PIEZO2: variants seen among roughly 807,000 people sequenced by gnomAD.
PIEZO2 encodes the protein piezo type mechanosensitive ion channel component 2.
PIEZO2 carries 172 observed loss-of-function variants against 337.3 expected under a neutral mutation model. That is an observed-to-expected ratio of 0.51 (90% CI 0.45 to 0.58). The LOEUF (loss-of-function observed/expected upper bound fraction) is 0.58. PIEZO2 is among the 20% of genes least tolerant of loss of function. PIEZO2 has a pLI of 0.00. For synonymous variants in PIEZO2, 1,251 were observed against 1,228.5 expected, an observed-to-expected ratio of 1.02 and a Z score of -0.38; for missense variants, 3,028 against 3,391.3, an observed-to-expected ratio of 0.89 and a Z score of 2.66.
At chr18:10,713,000 C>A (rs898155058) in intron 39 of PIEZO2, among the ~76,000 whole-genome samples, 4 of 152,116 alleles carry the variant, frequency 2.6e-5, no homozygotes, top group Non-Finnish European at 5.9e-5. Flanking sequence ...AATATAGTCT[C>A]TTTTATTATC....
intron 4 of PIEZO2, among the ~76,000 whole-genome samples, chr18:10,900,914 C>A (rs1192475141): frequency 2.6e-5 from 4 of 152,154 alleles, no homozygotes; most frequent in Non-Finnish European, 5.9e-5. Flanking sequence ...TTCCCTGGAC[C>A]CATGCTAATT....
Position 10,786,263 on chromosome 18 carries a change from G to C in PIEZO2, c.2318+773C>G, listed in dbSNP as rs1019596954. Among the ~76,000 whole-genome samples, 49 of 152,286 alleles carry C rather than the reference G, an allele frequency of 3.2e-4. 2 individuals are homozygous for C. Among genetic ancestry groups the C allele is most frequent in the Non-Finnish European group, 8.8e-5 (6 of 68,016 alleles). On this transcript the variant is annotated intron_variant, in intron 16 of 55. Coordinates refer to ENST00000674853, the MANE Select transcript of PIEZO2 (RefSeq NM_001378183.1). The stretch of plus-strand genomic sequence containing the variant: ...TATTTTACACTAAATAGTTTTGTTT[G>C]TCTCCTCTGCTAGAATATAAGATCT...
At chr18:10,919,319 G>A (rs546316861) in intron 3 of PIEZO2, among the ~76,000 whole-genome samples, 53 of 152,042 alleles carry the variant, frequency 3.5e-4, no homozygotes, top group African/African-American at 1.1e-3. Flanking sequence ...TAACTTCCCC[G>A]AATAGAACTG....
rs1261530978 is a variant in PIEZO2, at chr18:11,108,151, G to T, written c.64+40374C>A. Among the ~76,000 whole-genome samples the T allele has an allele frequency of 3.3e-5, 5 of 152,078 alleles. No individual in the cohort carries two copies. In the East Asian group the frequency reaches 5.8e-4, roughly 18 times the overall value. ...TACATCCAGTGAGTAACATCAATAT[G>T]CTCTGCATTCATTCAAGAAAGAAAA... On this transcript the variant is annotated intron_variant, in intron 1 of 55. Transcript: ENST00000674853.
intron 3 of PIEZO2, among the ~76,000 whole-genome samples, chr18:10,916,580 T>G (rs377237986): frequency 6.6e-6 from 1 of 152,134 alleles, no homozygotes; most frequent in African/African-American, 2.4e-5. Flanking sequence ...GCTCTGAGTG[T>G]GGGGTCCGTG....
intron 4 of PIEZO2, among the ~76,000 whole-genome samples, chr18:10,889,285 GGAAAATA>G (rs937967566): frequency 2.0e-5 from 3 of 152,148 alleles, no homozygotes; most frequent in Admixed American, 2.0e-4. Context: ...TTCAAGATAA[GGAAAATA>G]GCAGCAACTT....
intron 37 of PIEZO2, 147 bp from the exon 38 acceptor site, chr18:10,715,963 A>G (rs1367723650): frequency 1.5e-6 from 1 of 663,266 alleles, no homozygotes; most frequent in African/African-American, 1.8e-5. Flanking sequence ...CTCATGACGC[A>G]CGGAGGAGAG....
At position 11,128,532 on chromosome 18, in the gene PIEZO2, A is replaced by G. The variant is rs954093141; in HGVS notation, c.64+19993T>C. Reference sequence around the variant, plus strand: ...ATGAACCTTTTTTGCCAGAAGGAACAGCTTCCCCATCCCCAGTAGCGGCAA... The same window carrying G: ...ATGAACCTTTTTTGCCAGAAGGAACGGCTTCCCCATCCCCAGTAGCGGCAA... On this transcript the variant is annotated intron_variant, in intron 1 of 55. Transcript: ENST00000674853. The surrounding 1 kb of genome is among the most constrained non-coding windows in gnomAD (Gnocchi z 4.1). 7.9e-5 allele frequency among the ~76,000 whole-genome samples: 12 copies of G among 152,306 alleles called. No individual in the cohort carries two copies. Among genetic ancestry groups the G allele is most frequent in the African/African-American group, 2.9e-4 (12 of 41,556 alleles).
At position 10,856,197 on chromosome 18, in the gene PIEZO2, C is replaced by A. The variant is rs572937563; in HGVS notation, c.704-631G>T. 4.6e-5 allele frequency among the ~76,000 whole-genome samples: 7 copies of A among 152,200 alleles called. No individual in the cohort carries two copies. In the South Asian group the frequency reaches 1.5e-3, roughly 32 times the overall value. On this transcript the variant is annotated intron_variant, in intron 6 of 55. Transcript: ENST00000674853. The surrounding 1 kb of genome is among the most constrained non-coding windows in gnomAD (Gnocchi z 4.7). Reference sequence around the variant, plus strand: ...TACAGGCATGAGCCACTGCTCCTGGCCAATAACTCCTTTAAAAGTGTTTTT... The same window carrying A: ...TACAGGCATGAGCCACTGCTCCTGGACAATAACTCCTTTAAAAGTGTTTTT...
At chr18:10,691,678 G>T (rs2034834263) in intron 47 of PIEZO2, among the ~76,000 whole-genome samples, 1 of 150,586 alleles carries the variant, frequency 6.6e-6, no homozygotes, top group African/African-American at 2.4e-5. Context: ...TTCTCACTAT[G>T]TAGATGATGC....
At position 10,672,271 on chromosome 18, in the gene PIEZO2, G is replaced by C. The variant is rs912474216; in HGVS notation, c.8345+419C>G. Among the ~76,000 whole-genome samples the C allele has an allele frequency of 1.3e-5, 2 of 152,108 alleles. No individual in the cohort carries two copies. The highest frequency in any genetic ancestry group is 2.9e-5 in the Non-Finnish European group (2 of 68,012). ...CAATATTTTACATTTGTGTCTTGTG[G>C]GGATGTGCGTGTCCTAGGATTTAAG... On this transcript the variant is annotated intron_variant, in intron 55 of 55. Transcript: ENST00000674853. The surrounding 1 kb of genome is among the most constrained non-coding windows in gnomAD (Gnocchi z 4.7).
rs1489589839 is a variant in PIEZO2 at position 10,855,159 on chromosome 18, T to C, written c.917+194A>G. ...CGGCATCTCCATCTGAAGAGACCAC[T>C]GTCTTCCTTCCAGACTGTGTCATCC... On this transcript the variant is annotated intron_variant, in intron 7 of 55. Transcript: ENST00000674853. The surrounding 1 kb of genome is among the most constrained non-coding windows in gnomAD (Gnocchi z 4.9). Among the ~76,000 whole-genome samples, 2 of 152,162 alleles carry C rather than the reference T, an allele frequency of 1.3e-5. No individual in the cohort carries two copies. Among genetic ancestry groups the C allele is most frequent in the Non-Finnish European group, 2.9e-5 (2 of 68,022 alleles).
chr18:10,896,547 C>T (rs999753289), intron 4 of PIEZO2, among the ~76,000 whole-genome samples: 24 of 152,066 alleles, frequency 1.6e-4, no homozygotes, highest in Admixed American at 6.6e-5. Context: ...TCATGATGGC[C>T]GAGTGAAAAC....
chr18:10,841,876 G>T (rs2041204817), intron 7 of PIEZO2, among the ~76,000 whole-genome samples: 1 of 152,088 alleles, frequency 6.6e-6, no homozygotes, highest in Non-Finnish European at 1.5e-5. Flanking sequence ...TACAAGGTTG[G>T]TGCAACGCAG....
chr18:11,029,562 C>G (rs1413224276), intron 2 of PIEZO2, among the ~76,000 whole-genome samples: 1 of 152,210 alleles, frequency 6.6e-6, no homozygotes, highest in Non-Finnish European at 1.5e-5. Context: ...CTTAAAGTCT[C>G]TTAATGGTTC....
intron 1 of PIEZO2, among the ~76,000 whole-genome samples, chr18:11,098,161 T>A (rs2039310512): frequency 6.6e-6 from 1 of 152,062 alleles, no homozygotes; most frequent in African/African-American, 2.4e-5. Context: ...GTTATGACAC[T>A]GTTCAGTAAT....
chr18:10,830,366 A>T lies in PIEZO2; in HGVS notation c.918-23092T>A, dbSNP rs1212486398. On this transcript the variant is annotated intron_variant, in intron 7 of 55. Coordinates refer to ENST00000674853, the MANE Select transcript of PIEZO2 (RefSeq NM_001378183.1). This position sits in a 1 kb window ranked among gnomAD's most constrained non-coding sequence, Gnocchi z 4.7. Reference sequence around the variant, plus strand: ...AAACATTGGGAAAAATCTCCAGGACATTGGTCTGGGCAAAGATTTCTTGCA... The same window carrying T: ...AAACATTGGGAAAAATCTCCAGGACTTTGGTCTGGGCAAAGATTTCTTGCA... Among the ~76,000 whole-genome samples the T allele has an allele frequency of 6.6e-6, 1 of 152,104 alleles. No individual in the cohort carries two copies. Among genetic ancestry groups the T allele is most frequent in the Non-Finnish European group, 1.5e-5 (1 of 67,998 alleles).
rs953503286 is a variant in PIEZO2, at chr18:11,050,418, C to A, written c.160+15709G>T. Among the ~76,000 whole-genome samples the A allele has an allele frequency of 2.0e-5, 3 of 151,978 alleles. No individual in the cohort carries two copies. In the East Asian group the frequency reaches 5.8e-4, roughly 29 times the overall value. Reference sequence around the variant, plus strand: ...TCTTTACAAGTTACAGATCGCACTGCCTCTTCAAATGGGGCATCGTTTTTC... The same window carrying A: ...TCTTTACAAGTTACAGATCGCACTGACTCTTCAAATGGGGCATCGTTTTTC... On this transcript the variant is annotated intron_variant, in intron 2 of 55. Transcript: ENST00000674853.
At chr18:11,137,686 G>C (rs1465103278) in intron 1 of PIEZO2, among the ~76,000 whole-genome samples, 1 of 152,158 alleles carries the variant, frequency 6.6e-6, no homozygotes, top group Non-Finnish European at 1.5e-5. Context: ...GCAGGAGGGA[G>C]ATGGCAGGAG....
Sources: gnomAD v4.1 joint callset for allele counts (sites outside exome capture counted in the v4.1 genomes callset) on GRCh38, gnomAD v4.1.1 for gene constraint, Gnocchi (gnomAD v3.1) non-coding constraint, MANE v1.5 for transcripts, NCBI Gene and HGNC (gene_info 2026-07-23, HGNC 2026-07-21) for gene names.